The following NTRK3 variants were observed in gnomAD, a reference collection of about 807,000 sequenced individuals.
NTRK3 encodes the protein neurotrophic receptor tyrosine kinase 3, also known as NT-3 growth factor receptor.
In NTRK3, 24 loss-of-function variants were observed where a neutral mutation model predicts 91.7. The observed-to-expected ratio is 0.26, with a 90% CI of 0.19 to 0.37. The LOEUF is 0.37. Among genes scored for constraint, NTRK3 ranks in the 10% least tolerant of loss-of-function variants. The pLI, the probability that NTRK3 is intolerant of heterozygous loss-of-function variation, is 1.00. For synonymous variants in NTRK3, 483 were observed against 404.0 expected, an observed-to-expected ratio of 1.20 and a Z score of -2.34; for missense variants, 880 against 1,068.9, an observed-to-expected ratio of 0.82 and a Z score of 2.46.
intron 17 of NTRK3, among the ~76,000 whole-genome samples, chr15:87,918,977 G>GA (rs1435611726): frequency 6.6e-6 from 1 of 152,094 alleles, no homozygotes; most frequent in East Asian, 1.9e-4. Flanking sequence ...CCCAGTCCAG[G>GA]AAAAAAAGCA....
chr15:87,897,843 T>C lies in NTRK3; in HGVS notation c.2134-17415A>G, dbSNP rs2066219221. Among the ~76,000 whole-genome samples, 4 of 151,972 alleles carry C rather than the reference T, an allele frequency of 2.6e-5. No homozygotes were observed. The South Asian group carries it at 8.3e-4, about 32-fold the overall frequency. ...ATCAGAATTATATACATATCCTGTG[T>C]ATACAGGATAAGGAAATAGAGGATC... On this transcript the variant is annotated intron_variant, in intron 17 of 18. Transcript: ENST00000394480.
At chr15:87,901,128 A>G (rs1237063436) in intron 17 of NTRK3, among the ~76,000 whole-genome samples, 1 of 152,156 alleles carries the variant, frequency 6.6e-6, no homozygotes, top group Non-Finnish European at 1.5e-5. Context: ...CCAGGCCATA[A>G]TCTGAGGCCT....
intron 13 of NTRK3, 130 bp downstream of exon 13, chr15:88,126,141 A>G (rs1236438364): frequency 2.8e-6 from 2 of 709,534 alleles, no homozygotes; most frequent in Non-Finnish European, 5.1e-6. Context: ...AGGAGTTTCC[A>G]TCAGTACCAG....
At chr15:87,977,920 C>G (rs893374680) in intron 14 of NTRK3, 1 of 232,648 alleles carries the variant, frequency 4.3e-6, no homozygotes, top group African/African-American at 2.2e-5. Context: ...ACTCTATTCT[C>G]TACTAGTGTG....
chr15:87,919,459 T>C (rs2067694239), intron 17 of NTRK3, among the ~76,000 whole-genome samples: 1 of 152,164 alleles, frequency 6.6e-6, no homozygotes. Context: ...TGCCGGAGTG[T>C]CCCAGGGTGG....
At chr15:88,138,326 C>T (rs191575053) in intron 6 of NTRK3, among the ~76,000 whole-genome samples, 7 of 152,022 alleles carry the variant, frequency 4.6e-5, no homozygotes, top group Admixed American at 1.3e-4. Context: ...GGGAGAATGG[C>T]GTGAACCCAG....
At chr15:88,114,849 C>T (rs903324157) in intron 13 of NTRK3, among the ~76,000 whole-genome samples, 1 of 152,124 alleles carries the variant, frequency 6.6e-6, no homozygotes, top group African/African-American at 2.4e-5. Flanking sequence ...ACATTAAATA[C>T]CTACTTTTAA....
intron 13 of NTRK3, among the ~76,000 whole-genome samples, chr15:88,089,858 C>T (rs1249297977): frequency 6.6e-6 from 1 of 152,188 alleles, no homozygotes; most frequent in Admixed American, 6.5e-5. Flanking sequence ...CACAGTCTCC[C>T]CACCTGCTTA....
chr15:87,981,152 A>C, intron 14 of NTRK3: 2 of 1,549,976 alleles, frequency 1.3e-6, no homozygotes, highest in East Asian at 2.4e-5. Context: ...GATGAGTCTT[A>C]AGGTCTTAAG....
At chr15:88,100,814 T>C (rs926765712) in intron 13 of NTRK3, among the ~76,000 whole-genome samples, 9 of 152,230 alleles carry the variant, frequency 5.9e-5, no homozygotes, top group African/African-American at 1.9e-4. Context: ...GCTAGCCATA[T>C]GTAGAAAGCT....
chr15:88,031,662 C>A (rs1173827679), intron 14 of NTRK3, among the ~76,000 whole-genome samples: 1 of 152,144 alleles, frequency 6.6e-6, no homozygotes, highest in Non-Finnish European at 1.5e-5. Context: ...TGACCTTATG[C>A]TGACTCAAGC....
intron 9 of NTRK3, 40 bp downstream of exon 9, chr15:88,135,859 C>T (rs1278289042): frequency 1.9e-6 from 3 of 1,611,814 alleles, no homozygotes; most frequent in South Asian, 1.1e-5. Context: ...TGCCAGTTGC[C>T]CCTCACACAC....
chr15:88,094,609 C>T lies in NTRK3; in HGVS notation c.1396+31662G>A, dbSNP rs2049393539. On this transcript the variant is annotated intron_variant, in intron 13 of 18. Coordinates refer to ENST00000394480, the Ensembl canonical transcript of NTRK3. ...TCATACTCATGAAACTCATGAAATA[C>T]TCAGCCTTCTTGGGAAGAAGGATGA... is the stretch of plus-strand genomic sequence containing the variant. Among the ~76,000 whole-genome samples the T allele has an allele frequency of 2.0e-5, 3 of 148,616 alleles. No individual in the cohort carries two copies. The South Asian group carries it at 6.9e-4, about 34-fold the overall frequency.
At chr15:88,070,632 G>A (rs1358150648) in intron 13 of NTRK3, among the ~76,000 whole-genome samples, 1 of 151,890 alleles carries the variant, frequency 6.6e-6, no homozygotes, top group Non-Finnish European at 1.5e-5. Context: ...CTGATCTCCA[G>A]TAGCCTCTCC....
intron 13 of NTRK3, among the ~76,000 whole-genome samples, chr15:88,121,824 T>A (rs2052738624): frequency 6.6e-6 from 1 of 152,162 alleles, no homozygotes; most frequent in African/African-American, 2.4e-5. Flanking sequence ...AGCATTAGAC[T>A]TCATCAATAG....
chr15:88,149,463 G>T (rs979443646), intron 5 of NTRK3, among the ~76,000 whole-genome samples: 2 of 152,128 alleles, frequency 1.3e-5, no homozygotes, highest in Non-Finnish European at 2.9e-5. Context: ...GTCACCAACC[G>T]CCTCTCTGCA....
At chr15:88,209,665 G>A (rs2049076977) in intron 3 of NTRK3, among the ~76,000 whole-genome samples, 1 of 152,214 alleles carries the variant, frequency 6.6e-6, no homozygotes, top group South Asian at 2.1e-4. Flanking sequence ...GAACAGCAGG[G>A]ACTGCCCAGC....
At chr15:88,077,954 G>A (rs2047698094) in intron 13 of NTRK3, among the ~76,000 whole-genome samples, 1 of 152,228 alleles carries the variant, frequency 6.6e-6, no homozygotes, top group Non-Finnish European at 1.5e-5. Context: ...CTCGGATCAT[G>A]TCCTAACAGG....
intron 13 of NTRK3, among the ~76,000 whole-genome samples, chr15:88,087,901 A>G (rs1475001426): frequency 6.6e-6 from 1 of 152,156 alleles, no homozygotes; most frequent in African/African-American, 2.4e-5. Context: ...AGTGCAAAAA[A>G]TAAGTCAGGC....
Sources: allele counts gnomAD v4.1 joint callset (sites outside exome capture counted in the v4.1 genomes callset), GRCh38; gene constraint gnomAD v4.1.1; transcripts MANE v1.5; gene names NCBI Gene and HGNC (gene_info 2026-07-23, HGNC 2026-07-21).